ANK3: variants seen among roughly 807,000 people sequenced by gnomAD.
The protein encoded by ANK3 is ankyrin 3.
A neutral mutation model predicts 370.9 loss-of-function variants in ANK3; 57 were observed. That is an observed-to-expected ratio of 0.15 (90% CI 0.12 to 0.19). The LOEUF (loss-of-function observed/expected upper bound fraction) is 0.19, where lower values mean the gene tolerates loss of function less well. Among genes scored for constraint, ANK3 ranks in the 10% least tolerant of loss-of-function variants. The pLI, the probability that ANK3 is intolerant of heterozygous loss-of-function variation, is 1.00. For synonymous variants in ANK3, 1,929 were observed against 1,946.3 expected, an observed-to-expected ratio of 0.99 and a Z score of 0.23; for missense variants, 4,439 against 5,302.1, an observed-to-expected ratio of 0.84 and a Z score of 5.06.
intron 1 of ANK3, among the ~76,000 whole-genome samples, chr10:60,685,395 T>TG (rs1016470424): frequency 3.3e-5 from 5 of 150,150 alleles, no homozygotes; most frequent in African/African-American, 7.4e-5. Context: ...CTCTAAAGAG[T>TG]GAAAAAAAAA....
intron 36 of ANK3, among the ~76,000 whole-genome samples, chr10:60,077,047 C>T (rs2084003082): frequency 6.6e-6 from 1 of 152,116 alleles, no homozygotes; most frequent in Non-Finnish European, 1.5e-5. Context: ...CATGCAGAAT[C>T]CAAAATAACT....
At chr10:60,061,699 A>T (rs1223722036) in intron 40 of ANK3, among the ~76,000 whole-genome samples, 1 of 151,972 alleles carries the variant, frequency 6.6e-6, no homozygotes, top group Non-Finnish European at 1.5e-5. Flanking sequence ...TGTTTGTTAC[A>T]TGTATAACAA....
intron 32 of ANK3, 25 bp downstream of exon 32, chr10:60,084,577 G>T (rs748127319): frequency 1.3e-6 from 2 of 1,584,454 alleles, no homozygotes; most frequent in East Asian, 4.5e-5. Flanking sequence ...GTAATGAAAT[G>T]AACTTGTTTT....
Position 60,625,459 on chromosome 10 carries a change from G to A in ANK3, c.58-10235C>T, listed in dbSNP as rs142604463. Among the ~76,000 whole-genome samples the A allele has an allele frequency of 1.9e-3, 286 of 152,282 alleles. 2 individuals carry two copies. Among genetic ancestry groups the A allele is most frequent in the African/African-American group, 6.5e-3 (272 of 41,564 alleles). On this transcript the variant is annotated intron_variant, in intron 1 of 43. Transcript: ENST00000373827. The stretch of plus-strand genomic sequence containing the variant: ...TATGTGATCACCTAAGATAATGGAG[G>A]TCAGAAGAAGAACTAATTAAAATCC...
At chr10:60,357,052 T>A (rs2057868074) in intron 1 of ANK3, among the ~76,000 whole-genome samples, 1 of 152,176 alleles carries the variant, frequency 6.6e-6, no homozygotes, top group Admixed American at 6.5e-5. Flanking sequence ...ACTATTCCTA[T>A]CCTCATCACT....
chr10:60,648,750 A>G (rs2078745964), intron 1 of ANK3, among the ~76,000 whole-genome samples: 1 of 141,202 alleles, frequency 7.1e-6, no homozygotes, highest in South Asian at 2.6e-4. Flanking sequence ...AGCCTGGGTG[A>G]CAGAATAAGA....
At chr10:60,413,579 A>T (rs1416450936) in intron 2 of ANK3, among the ~76,000 whole-genome samples, 1 of 152,216 alleles carries the variant, frequency 6.6e-6, no homozygotes, top group Non-Finnish European at 1.5e-5. Flanking sequence ...AAATCTGGGA[A>T]ATTCTGCAAA....
intron 1 of ANK3, among the ~76,000 whole-genome samples, chr10:60,300,168 T>C (rs1210034464): frequency 6.6e-6 from 1 of 152,224 alleles, no homozygotes; most frequent in Non-Finnish European, 1.5e-5. Flanking sequence ...TCCATTGTCC[T>C]ACACATATTT....
intron 7 of ANK3, among the ~76,000 whole-genome samples, chr10:60,257,131 A>G (rs1047998150): frequency 3.3e-5 from 5 of 152,236 alleles, no homozygotes; most frequent in Admixed American, 2.0e-4. Flanking sequence ...TTTTTCCACC[A>G]ACAGGCTTAG....
At chr10:60,439,240 T>C (rs183880459) in intron 2 of ANK3, among the ~76,000 whole-genome samples, 1 of 152,256 alleles carries the variant, frequency 6.6e-6, no homozygotes, top group East Asian at 1.9e-4. Context: ...AATGACTCAA[T>C]GTGGTGGCTC....
chr10:60,072,258 C>G lies in ANK3; in HGVS notation c.8623G>C (p.Val2875Leu). Residue 2875 changes from valine to leucine, a missense_variant, in exon 37 of 44, where the codon GTT becomes CTT. Transcript: ENST00000280772. ...SQKEKLSHVL[V>L]HDVRENHIGH... ...ATGTGATTCTCTCTTACATCATGAA[C>G]AAGTACATGCGAAAGTTTTTCTTTC... The G allele has an allele frequency of 6.2e-7, 1 of 1,614,130 alleles. No individual in the cohort carries two copies.
intron 28 of ANK3, among the ~76,000 whole-genome samples, chr10:60,097,103 G>A (rs2393599): frequency 0.11 from 16,436 of 152,226 alleles, 1,137 homozygotes; most frequent in African/African-American, 0.2. Flanking sequence ...TCTATTTTGT[G>A]TCAGGTCAAT....
chr10:60,447,622 T>C (rs552983549), intron 2 of ANK3, among the ~76,000 whole-genome samples: 3 of 152,194 alleles, frequency 2.0e-5, no homozygotes, highest in Admixed American at 6.5e-5. Flanking sequence ...CTGGGCAAAA[T>C]GCACCATGCC....
chr10:60,670,199 A>G (rs148788651), intron 1 of ANK3, among the ~76,000 whole-genome samples: 38 of 152,214 alleles, frequency 2.5e-4, no homozygotes, highest in African/African-American at 8.4e-4. Flanking sequence ...ACTGAAATGT[A>G]CATCCAATTG....
intron 42 of ANK3, chr10:60,043,472 C>G (rs2076456148): frequency 1.0e-6 from 1 of 984,986 alleles, no homozygotes; most frequent in Admixed American, 6.2e-5. Flanking sequence ...GAAAAATAAC[C>G]AGAGATGTTT....
At chr10:60,352,224 G>A (rs2056994939) in intron 1 of ANK3, among the ~76,000 whole-genome samples, 1 of 152,190 alleles carries the variant, frequency 6.6e-6, no homozygotes, top group Admixed American at 6.5e-5. Flanking sequence ...GAGCCCAGGA[G>A]GCGGAGGGGT....
intron 1 of ANK3, among the ~76,000 whole-genome samples, chr10:60,663,175 T>G (rs910583764): frequency 1.3e-5 from 2 of 152,178 alleles, no homozygotes; most frequent in Non-Finnish European, 2.9e-5. Flanking sequence ...ATTAAAGCAC[T>G]TCGTATTGTA....
chr10:60,073,592 A>C lies in ANK3; in HGVS notation c.7289T>G (p.Ile2430Arg), dbSNP rs768315609. ...EDSRPSSAQL[I>R]SDDSYKTLKL... ...CAATGTTTTATAAGAGTCATCAGATATGAGTTGAGCAGAACTAGGGCGGCT... is the reference window on the plus strand; with the variant it reads ...CAATGTTTTATAAGAGTCATCAGATCTGAGTTGAGCAGAACTAGGGCGGCT... Residue 2430 changes from isoleucine (I) to arginine (R), a missense_variant, in exon 37 of 44, where the codon ATA (isoleucine) becomes AGA (arginine). This residue lies in a region of ANK3 where 1,601 missense variants were observed against 1,731.7 expected (regional missense o/e 0.92). Coordinates refer to ENST00000280772, the MANE Select transcript of ANK3 (RefSeq NM_020987.5). 4 of 1,614,068 alleles carry C rather than the reference A, an allele frequency of 2.5e-6. No homozygotes were observed. The South Asian group carries it at 4.4e-5, about 18-fold the overall frequency.
intron 2 of ANK3, among the ~76,000 whole-genome samples, chr10:60,502,096 T>TAAGC (rs2075815962): frequency 6.6e-6 from 1 of 152,162 alleles, no homozygotes. Flanking sequence ...GGAAAATACT[T>TAAGC]TGACCAGAAC....
Sources: allele counts gnomAD v4.1 joint callset (sites outside exome capture counted in the v4.1 genomes callset), GRCh38; gene constraint gnomAD v4.1.1; regional missense constraint gnomAD v4.1.1; transcripts MANE v1.5; gene names NCBI Gene and HGNC (gene_info 2026-07-23, HGNC 2026-07-21).